Variants in PTGER3 observed in about 807,000 individuals in gnomAD.
The protein encoded by PTGER3 is prostaglandin E receptor 3.
In PTGER3, 22 loss-of-function variants were observed where a neutral mutation model predicts 34.7. The observed-to-expected ratio is 0.63, with a 90% CI of 0.45 to 0.91. The LOEUF (loss-of-function observed/expected upper bound fraction) is 0.91, where lower values mean the gene tolerates loss of function less well. Among genes scored for constraint, PTGER3 ranks in the 40% least tolerant of loss-of-function variants. The probability of loss-of-function intolerance (pLI) is 0.00; values close to 1 mark genes in which losing one functional copy is unlikely to be tolerated. For synonymous variants in PTGER3, 241 were observed against 230.1 expected, an observed-to-expected ratio of 1.05 and a Z score of -0.43; for missense variants, 468 against 519.4, an observed-to-expected ratio of 0.90 and a Z score of 0.96.
chr1:70,957,778 AC>A (rs1342350548), intron 2 of PTGER3, among the ~76,000 whole-genome samples: 4 of 152,152 alleles, frequency 2.6e-5, no homozygotes. Context: ...ATTGTGTAAT[AC>A]AACACCAAAA....
At chr1:71,031,436 G>A (rs1334311703) in intron 1 of PTGER3, among the ~76,000 whole-genome samples, 1 of 152,126 alleles carries the variant, frequency 6.6e-6, no homozygotes, top group African/African-American at 2.4e-5. Flanking sequence ...TATTCTGGGT[G>A]GGAGAGAAAT....
chr1:71,010,844 TC>T (rs1373921678), intron 2 of PTGER3: 1 of 984,956 alleles, frequency 1.0e-6, no homozygotes, highest in Non-Finnish European at 1.2e-6. Context: ...TATATATCAA[TC>T]TGATAGACAT....
intron 4 of PTGER3, among the ~76,000 whole-genome samples, chr1:70,906,927 T>C (rs112793861): frequency 4.6e-5 from 7 of 152,204 alleles, no homozygotes; most frequent in Non-Finnish European, 1.0e-4. Context: ...AAAGCTATCT[T>C]CTCATAAAAT....
At chr1:71,007,444 G>A (rs1163666726) in intron 2 of PTGER3, 2 of 985,294 alleles carry the variant, frequency 2.0e-6, no homozygotes, top group African/African-American at 1.7e-5. Context: ...TGCTTTGACA[G>A]ACAAGACCCC....
chr1:70,930,910 C>A (rs190757280), intron 4 of PTGER3, among the ~76,000 whole-genome samples: 360 of 152,278 alleles, frequency 2.4e-3, no homozygotes, highest in African/African-American at 8.1e-3. Flanking sequence ...GCCTTCCCAA[C>A]AGTTCCCCTA....
At chr1:70,931,266 G>T (rs1161354036) in intron 4 of PTGER3, among the ~76,000 whole-genome samples, 4 of 152,196 alleles carry the variant, frequency 2.6e-5, no homozygotes, top group African/African-American at 9.6e-5. Context: ...GCTTTGCAGG[G>T]TACAGCCCCC....
intron 2 of PTGER3, among the ~76,000 whole-genome samples, chr1:70,980,004 C>A (rs1207711315): frequency 1.3e-5 from 2 of 150,690 alleles, no homozygotes; most frequent in South Asian, 2.1e-4. Flanking sequence ...ATTGTAGAAG[C>A]CTTAAGAATT....
chr1:70,859,899 T>TA (rs1388925779), intron 4 of PTGER3, among the ~76,000 whole-genome samples: 1 of 152,184 alleles, frequency 6.6e-6, no homozygotes, highest in Admixed American at 6.5e-5. Context: ...TCATAGAACT[T>TA]ACTATTTGGT....
In PTGER3 at chr1:71,012,737, G is replaced by A. The variant is rs868159540; in HGVS notation, c.898-253C>T. Among the ~76,000 whole-genome samples the A allele has an allele frequency of 2.0e-5, 3 of 152,060 alleles. No individual in the cohort carries two copies. The South Asian group carries it at 6.2e-4, about 32-fold the overall frequency. ...CATGTCTTCAGGCTCTTGATTCTTG[G>A]AATTTAAGAAGCTTGAAAATAACAC... On this transcript the variant is annotated intron_variant, in intron 1 of 3. Transcript: ENST00000306666.
rs1660994177 is a variant in PTGER3 at position 71,047,695 on chromosome 1, A to G, written c.-118T>C. 3.2e-6 allele frequency: 4 copies of G among 1,238,422 alleles called. No individual in the cohort carries two copies. Among genetic ancestry groups the G allele is most frequent in the Non-Finnish European group, 4.3e-6 (4 of 927,734 alleles). 76.7% of individuals were successfully genotyped at this position (1,238,422 alleles called of 1,614,324 possible). On this transcript the variant is annotated 5_prime_UTR_variant, in exon 1 of 4. An upstream start codon of the reference 5' UTR is lost. Coordinates refer to ENST00000306666, the MANE Select transcript of PTGER3 (RefSeq NM_198719.2). ...CGCGGCTGGGGCTGGGCTGCCCCCCATGGTGCGGGGCGCAGCCGCCGCCCT... is the reference window on the plus strand; with the variant it reads ...CGCGGCTGGGGCTGGGCTGCCCCCCGTGGTGCGGGGCGCAGCCGCCGCCCT...
chr1:71,018,595 G>A (rs760971384), intron 1 of PTGER3, among the ~76,000 whole-genome samples: 5 of 151,788 alleles, frequency 3.3e-5, no homozygotes, highest in Admixed American at 6.6e-5. Flanking sequence ...TCTGGGCCTC[G>A]TCTAGAATTA....
At position 70,981,376 on chromosome 1, in the gene PTGER3, TTTCTTTCTTTCTTTCTTTCC is replaced by T. The variant is rs1350764371; in HGVS notation, c.1078-7008_1078-6989del. On this transcript the variant is annotated intron_variant, in intron 2 of 3. Transcript: ENST00000306666. ...CTTTCTTTCTTTCTTTCTTTCTTTC[TTTCTTTCTTTCTTTCTTTCC>T]TTCCTTCCTTCCTTCCTTCCTTCTT... Among the ~76,000 whole-genome samples, 235 of 92,044 alleles carry T rather than the reference TTTCTTTCTTTCTTTCTTTCC, an allele frequency of 2.6e-3. 1 individual carries two copies. Among genetic ancestry groups the T allele is most frequent in the South Asian group, 0.019 (49 of 2,594 alleles). The allele number at this position is 92,044 out of a possible 152,430, so 60.4% of individuals were successfully genotyped here.
At chr1:71,020,984 T>C (rs918687696) in intron 1 of PTGER3, among the ~76,000 whole-genome samples, 7 of 152,054 alleles carry the variant, frequency 4.6e-5, no homozygotes, top group African/African-American at 1.4e-4. Flanking sequence ...TCAATTTATA[T>C]AGCATACCTC....
At chr1:70,965,274 G>GAA (rs200324687) in intron 2 of PTGER3, among the ~76,000 whole-genome samples, 3 of 151,478 alleles carry the variant, frequency 2.0e-5, no homozygotes, top group African/African-American at 7.3e-5. Context: ...GTTTAAAAAA[G>GAA]AAAAAAAAGC....
intron 4 of PTGER3, among the ~76,000 whole-genome samples, chr1:70,878,261 A>G (rs1025109566): frequency 2.0e-5 from 3 of 152,050 alleles, no homozygotes; most frequent in African/African-American, 7.2e-5. Context: ...GTATGCATAG[A>G]GGTGTTCATC....
chr1:71,006,726 CA>C (rs1178346074), intron 2 of PTGER3: 1 of 985,058 alleles, frequency 1.0e-6, no homozygotes, highest in Non-Finnish European at 1.2e-6. Context: ...TTCCAGATAG[CA>C]TGGGGCTGTT....
chr1:70,876,954 A>T (rs955592177), intron 4 of PTGER3, among the ~76,000 whole-genome samples: 2 of 152,204 alleles, frequency 1.3e-5, no homozygotes, highest in African/African-American at 4.8e-5. Context: ...TTTTGGCTCC[A>T]TATGAATTTT....
intron 2 of PTGER3, chr1:71,009,869 C>T (rs763892527): frequency 3.0e-5 from 30 of 985,048 alleles, no homozygotes; most frequent in East Asian, 1.1e-4. Context: ...TTCTAACCAC[C>T]GCTCTAGTCT....
intron 1 of PTGER3, among the ~76,000 whole-genome samples, chr1:71,031,277 C>T (rs1259212633): frequency 2.1e-5 from 3 of 144,910 alleles, no homozygotes; most frequent in Non-Finnish European, 4.6e-5. Flanking sequence ...CACACACACA[C>T]ACACACAAAC....
Sources: gnomAD v4.1 joint callset for allele counts (sites outside exome capture counted in the v4.1 genomes callset) on GRCh38, gnomAD v4.1.1 for gene constraint, MANE v1.5 for transcripts, NCBI Gene and HGNC (gene_info 2026-07-23, HGNC 2026-07-21) for gene names.